RBMS1: variants seen among roughly 807,000 people sequenced by gnomAD.
RBMS1 encodes the protein RNA-binding motif, single-stranded-interacting protein 1.
RBMS1 carries 17 observed loss-of-function variants against 62.3 expected under a neutral mutation model. The observed-to-expected ratio is 0.27, with a 90% CI of 0.19 to 0.41. The LOEUF (loss-of-function observed/expected upper bound fraction) is 0.41, where lower values mean the gene tolerates loss of function less well. Among genes scored for constraint, RBMS1 ranks in the 10% least tolerant of loss-of-function variants. The pLI, the probability that RBMS1 is intolerant of heterozygous loss-of-function variation, is 1.00. For synonymous variants in RBMS1, 172 were observed against 170.0 expected (o/e 1.01, Z -0.09); for missense variants, 334 against 504.5 (o/e 0.66, Z 3.24).
intron 1 of RBMS1, among the ~76,000 whole-genome samples, chr2:160,449,479 T>TA (rs1391715896): frequency 6.6e-6 from 1 of 152,164 alleles, no homozygotes; most frequent in East Asian, 1.9e-4. Context: ...TGTTCTGTAC[T>TA]AAGAAAAATT....
chr2:160,428,742 C>T, intron 1 of RBMS1, among the ~76,000 whole-genome samples: 1 of 152,128 alleles, frequency 6.6e-6, no homozygotes, highest in East Asian at 1.9e-4. Context: ...ATAGATGGAC[C>T]CGTAACAGAC....
At chr2:160,314,801 T>C (rs1378952799) in intron 3 of RBMS1, among the ~76,000 whole-genome samples, 1 of 152,170 alleles carries the variant, frequency 6.6e-6, no homozygotes, top group East Asian at 1.9e-4. Context: ...AAACAAAGAA[T>C]GATACTCAAC....
intron 1 of RBMS1, among the ~76,000 whole-genome samples, chr2:160,483,488 T>C (rs1685454884): frequency 6.6e-6 from 1 of 152,196 alleles, no homozygotes; most frequent in Non-Finnish European, 1.5e-5. Context: ...AAAATTTCCA[T>C]ATAAAATTGG....
chr2:160,350,977 A>G (rs948199942), intron 2 of RBMS1, among the ~76,000 whole-genome samples: 16 of 152,126 alleles, frequency 1.1e-4, no homozygotes, highest in Admixed American at 4.6e-4. Flanking sequence ...CCAACAGTGT[A>G]AAAGTGTTCC....
intron 1 of RBMS1, among the ~76,000 whole-genome samples, chr2:160,437,595 T>A (rs997539646): frequency 6.6e-6 from 1 of 152,212 alleles, no homozygotes; most frequent in African/African-American, 2.4e-5. Context: ...CGTAGCAATA[T>A]GAACAAAGGC....
intron 1 of RBMS1, among the ~76,000 whole-genome samples, chr2:160,481,228 C>G (rs545444201): frequency 6.6e-6 from 1 of 151,752 alleles, no homozygotes; most frequent in Non-Finnish European, 1.5e-5. Context: ...ACTGGGGCAC[C>G]GGGGGTGGGC....
Position 160,284,554 on chromosome 2 carries a change from C to T in RBMS1, c.900+221G>A. On this transcript the variant is annotated intron_variant, in intron 9 of 13. Coordinates refer to ENST00000348849, the MANE Select transcript of RBMS1 (RefSeq NM_016836.4). ...ATTCCAATCCAAAATGCTATGATTC[C>T]AAGGACTGACCACTGACAAACATTT... The T allele has an allele frequency of 1.9e-5, 10 of 525,806 alleles. No homozygotes were observed. The South Asian group carries it at 2.1e-4, about 11-fold the overall frequency. The allele number at this position is 525,806 out of a possible 1,614,324, so 32.6% of individuals were successfully genotyped here.
chr2:160,405,711 G>A (rs763546328), intron 1 of RBMS1, among the ~76,000 whole-genome samples: 3 of 152,138 alleles, frequency 2.0e-5, no homozygotes, highest in Non-Finnish European at 2.9e-5. Context: ...GTGAAAAGAA[G>A]AGCATCTTAT....
chr2:160,276,338 C>CT (rs1019326190), intron 12 of RBMS1, among the ~76,000 whole-genome samples: 56 of 151,634 alleles, frequency 3.7e-4, no homozygotes, highest in African/African-American at 1.0e-3. Flanking sequence ...TAAAATACTA[C>CT]TACCACCACC....
intron 1 of RBMS1, among the ~76,000 whole-genome samples, chr2:160,398,059 C>T (rs1387295851): frequency 6.6e-6 from 1 of 152,176 alleles, no homozygotes; most frequent in Non-Finnish European, 1.5e-5. Context: ...TGTGCTTCTT[C>T]CCCAGAGCTC....
Position 160,493,554 on chromosome 2 carries a change from C to T in RBMS1, c.-191G>A, listed in dbSNP as rs1574130043. 7 of 619,838 alleles carry T rather than the reference C, an allele frequency of 1.1e-5. No homozygotes were observed. In the East Asian group the frequency reaches 1.7e-4, roughly 15 times the overall value. The allele number at this position is 619,838 out of a possible 1,614,324, so 38.4% of individuals were successfully genotyped here. A position where few individuals can be genotyped will look rare whatever the true frequency, so the allele number is the denominator to read the frequency against. ...CCTCCTCCTCCTCTTCCTCCTCCTC[C>T]TCCTCCTCCTCCTCCTCTTCCTCCT... is the stretch of plus-strand genomic sequence containing the variant. On this transcript the variant is annotated 5_prime_UTR_variant, in exon 1 of 14. Coordinates refer to ENST00000348849, the MANE Select transcript of RBMS1 (RefSeq NM_016836.4).
At chr2:160,373,369 A>T (rs1299174102) in intron 1 of RBMS1, among the ~76,000 whole-genome samples, 1 of 152,230 alleles carries the variant, frequency 6.6e-6, no homozygotes, top group Non-Finnish European at 1.5e-5. Flanking sequence ...TAAGACTTGC[A>T]TTGTTGAATA....
intron 1 of RBMS1, among the ~76,000 whole-genome samples, chr2:160,451,936 C>A (rs959247918): frequency 6.6e-6 from 1 of 152,114 alleles, no homozygotes; most frequent in Non-Finnish European, 1.5e-5. Context: ...AAAAAATCAT[C>A]CTTTTATTAT....
chr2:160,366,334 T>G (rs1693397068), intron 2 of RBMS1, among the ~76,000 whole-genome samples: 1 of 152,244 alleles, frequency 6.6e-6, no homozygotes, highest in African/African-American at 2.4e-5. Flanking sequence ...TCAGATGTTT[T>G]GAAATTCAGG....
At chr2:160,399,756 T>C (rs1422943035) in intron 1 of RBMS1, among the ~76,000 whole-genome samples, 1 of 152,100 alleles carries the variant, frequency 6.6e-6, no homozygotes, top group Admixed American at 6.5e-5. Flanking sequence ...AAAGGATTTA[T>C]AGGCAGTTCT....
chr2:160,348,890 T>C (rs1485725787), intron 2 of RBMS1, among the ~76,000 whole-genome samples: 2 of 152,176 alleles, frequency 1.3e-5, no homozygotes, highest in African/African-American at 2.4e-5. Context: ...TTCTTGACTA[T>C]ACTGGAAGAC....
intron 1 of RBMS1, among the ~76,000 whole-genome samples, chr2:160,460,105 CT>C (rs1684400879): frequency 6.6e-6 from 1 of 152,226 alleles, no homozygotes; most frequent in Non-Finnish European, 1.5e-5. Flanking sequence ...GGCTCCACTC[CT>C]CCCCCAGTGG....
At chr2:160,418,918 A>C (rs1011526426) in intron 1 of RBMS1, among the ~76,000 whole-genome samples, 1 of 152,236 alleles carries the variant, frequency 6.6e-6, no homozygotes, top group Non-Finnish European at 1.5e-5. Flanking sequence ...ATATTGGTTC[A>C]TGAATGTTGG....
intron 1 of RBMS1, among the ~76,000 whole-genome samples, chr2:160,478,732 G>A (rs1169710253): frequency 6.6e-6 from 1 of 152,158 alleles, no homozygotes; most frequent in East Asian, 1.9e-4. Context: ...TCAGCTGGTG[G>A]ACTTAATGAG....
Sources: gnomAD v4.1 joint callset for allele counts (sites outside exome capture counted in the v4.1 genomes callset) on GRCh38, gnomAD v4.1.1 for gene constraint, MANE v1.5 for transcripts, NCBI Gene and HGNC (gene_info 2026-07-23, HGNC 2026-07-21) for gene names.